The following CD1B variants were observed in gnomAD, a reference collection of about 807,000 sequenced individuals.
CD1B encodes CD1b molecule.
CD1B carries 43 observed loss-of-function variants against 39.8 expected under a neutral mutation model. The observed-to-expected ratio is 1.08, with a 90% CI of 0.85 to 1.39. The LOEUF (loss-of-function observed/expected upper bound fraction) is 1.39, where lower values mean the gene tolerates loss of function less well. Ranked by LOEUF, CD1B falls within the 40% of genes most tolerant of loss-of-function variation. The pLI is 0.00. For synonymous variants in CD1B, 192 were observed against 152.5 expected, an observed-to-expected ratio of 1.26 and a Z score of -1.91; for missense variants, 495 against 403.8, an observed-to-expected ratio of 1.23 and a Z score of -1.94.
At chr1:158,290,572 A>C in the CD1B span, among the ~76,000 whole-genome samples, 1 of 152,140 alleles carries the variant, frequency 6.6e-6, no homozygotes, top group African/African-American at 2.4e-5. Context: ...ACTTTAGTTC[A>C]GAGCAGATGG....
chr1:158,302,042 G>A, the CD1B span, among the ~76,000 whole-genome samples: 45 of 151,906 alleles, frequency 3.0e-4, no homozygotes, highest in Admixed American at 2.7e-3. Flanking sequence ...CATCTTGGGG[G>A]AAGTCGCAAT....
chr1:158,326,735 G>C (rs1652366504), downstream of CD1B, among the ~76,000 whole-genome samples: 1 of 151,960 alleles, frequency 6.6e-6, no homozygotes, highest in African/African-American at 2.4e-5. Context: ...TTTCAAAACT[G>C]TCTAATGAGC....
downstream of CD1B, among the ~76,000 whole-genome samples, chr1:158,323,178 TC>T (rs1652245348): frequency 6.6e-6 from 1 of 152,066 alleles, no homozygotes; most frequent in Non-Finnish European, 1.5e-5. Context: ...TTCACTTGTT[TC>T]TTTTTTTTTA....
chr1:158,312,550 A>AT, the CD1B span, among the ~76,000 whole-genome samples: 24 of 152,024 alleles, frequency 1.6e-4, no homozygotes, highest in Admixed American at 2.6e-4. Flanking sequence ...TGTTTTATAG[A>AT]TTTTTTTGTA....
At chr1:158,303,905 G>A in the CD1B span, among the ~76,000 whole-genome samples, 1 of 152,050 alleles carries the variant, frequency 6.6e-6, no homozygotes, top group Non-Finnish European at 1.5e-5. Context: ...TTTTTTCATA[G>A]AATTTGAAAA....
chr1:158,287,131 TA>T, the CD1B span, among the ~76,000 whole-genome samples: 1 of 152,214 alleles, frequency 6.6e-6, no homozygotes, highest in Admixed American at 6.5e-5. Context: ...CTGGGTGGCT[TA>T]AACAACAGGA....
At chr1:158,293,542 G>A in the CD1B span, 18 of 1,613,992 alleles carry the variant, frequency 1.1e-5, no homozygotes, top group Non-Finnish European at 1.4e-5. Context: ...GTACAATATA[G>A]TGATGCCATC....
the CD1B span, among the ~76,000 whole-genome samples, chr1:158,300,230 C>T: frequency 8.5e-4 from 129 of 152,274 alleles, 1 homozygote; most frequent in East Asian, 0.024. Context: ...TTTCTGCCTT[C>T]ATTTTGTTAT....
chr1:158,291,470 T>G, the CD1B span: 2 of 1,519,142 alleles, frequency 1.3e-6, no homozygotes, highest in Non-Finnish European at 1.8e-6. Flanking sequence ...TCTCTACTAA[T>G]TTTTGGGCCA....
chr1:158,302,499 G>T, the CD1B span, among the ~76,000 whole-genome samples: 5 of 151,806 alleles, frequency 3.3e-5, no homozygotes, highest in African/African-American at 4.8e-5. Flanking sequence ...AAAAAAATTG[G>T]TAATTTGAAG....
chr1:158,295,287 G>A, the CD1B span, among the ~76,000 whole-genome samples: 52 of 152,056 alleles, frequency 3.4e-4, no homozygotes, highest in African/African-American at 1.2e-3. Context: ...GGCTGAAGGG[G>A]GGAAGAAGCT....
At chr1:158,313,958 T>C in the CD1B span, among the ~76,000 whole-genome samples, 1 of 152,288 alleles carries the variant, frequency 6.6e-6, no homozygotes, top group South Asian at 2.1e-4. Context: ...CATATAGTTG[T>C]TCATAATGGT....
At chr1:158,306,420 A>G in the CD1B span, among the ~76,000 whole-genome samples, 1 of 152,234 alleles carries the variant, frequency 6.6e-6, no homozygotes, top group Non-Finnish European at 1.5e-5. Context: ...GAGCACCCAG[A>G]TTCATAAAGC....
chr1:158,296,654 T>G, the CD1B span, among the ~76,000 whole-genome samples: 1 of 152,144 alleles, frequency 6.6e-6, no homozygotes, highest in Non-Finnish European at 1.5e-5. Context: ...ATGAAAATCA[T>G]GAGATTCAGG....
chr1:158,320,200 C>A, the CD1B span, among the ~76,000 whole-genome samples: 1 of 152,234 alleles, frequency 6.6e-6, no homozygotes, highest in Non-Finnish European at 1.5e-5. Flanking sequence ...TTCGAGCTTC[C>A]TGGCTGCTTT....
rs566681515 is a variant in CD1B, at chr1:158,328,086, T to A, written c.*150A>T. 4.6e-6 allele frequency: 3 copies of A among 648,606 alleles called. No homozygotes were observed. The South Asian group carries it at 6.4e-5, about 14-fold the overall frequency. 40.2% of individuals were successfully genotyped at this position (648,606 alleles called of 1,614,324 possible). A position where few individuals can be genotyped will look rare whatever the true frequency, so the allele number is the denominator to read the frequency against. ...ACAGTTTTAAGTACTTTTTTGCTGA[T>A]GTTTAAATAATAATTTATTTTAAAA... On this transcript the variant is annotated 3_prime_UTR_variant, in exon 6 of 6. Coordinates refer to ENST00000368168, the MANE Select transcript of CD1B (RefSeq NM_001764.3).
the CD1B span, among the ~76,000 whole-genome samples, chr1:158,296,911 C>T: frequency 5.5e-3 from 833 of 152,072 alleles, 9 homozygotes; most frequent in African/African-American, 0.019. Flanking sequence ...AAAAATAATA[C>T]AGAAGGATGA....
At chr1:158,316,483 C>A in the CD1B span, among the ~76,000 whole-genome samples, 1 of 151,760 alleles carries the variant, frequency 6.6e-6, no homozygotes, top group Non-Finnish European at 1.5e-5. Flanking sequence ...TATAAGAATG[C>A]TTGTGATTTT....
chr1:158,322,415 CTGTTTTTTTTTTTT>C, the CD1B span, among the ~76,000 whole-genome samples: 1 of 140,936 alleles, frequency 7.1e-6, no homozygotes. Flanking sequence ...TATTTTTTTT[CTGTTTTTTTTTTTT>C]TGTGTGTGTG....
Sources: gnomAD v4.1 joint callset for allele counts (sites outside exome capture counted in the v4.1 genomes callset) on GRCh38, gnomAD v4.1.1 for gene constraint, MANE v1.5 for transcripts, NCBI Gene and HGNC (gene_info 2026-07-23, HGNC 2026-07-21) for gene names.